NAPA: variants seen among roughly 807,000 people sequenced by gnomAD.
NAPA encodes NSF attachment protein alpha.
NAPA carries 18 observed loss-of-function variants against 48.0 expected under a neutral mutation model. That is an observed-to-expected ratio of 0.38 (90% CI 0.26 to 0.56). The LOEUF is 0.56. Ranked by LOEUF, NAPA falls within the 20% of genes least tolerant of loss-of-function variation. NAPA has a pLI of 0.77. For missense variants in NAPA, 315 were observed against 385.0 expected (o/e 0.82, Z 1.52); for synonymous variants, 152 against 149.9 (o/e 1.01, Z -0.10).
Position 47,493,184 on chromosome 19 carries a change from C to CA in NAPA, c.421-11dup. On this transcript the variant is annotated splice_polypyrimidine_tract_variant and intron_variant, in intron 5 of 10. Coordinates refer to ENST00000263354, the MANE Select transcript of NAPA (RefSeq NM_003827.4). This position sits in a 1 kb window ranked among gnomAD's most constrained non-coding sequence, Gnocchi z 6.4. ...CGTAGTGGGCAATGGCCTGGGGAGA[C>CA]ACGGGGGATGGGTTCCAGGGGAGGG... The CA allele has an allele frequency of 6.3e-7, 1 of 1,580,430 alleles. No individual in the cohort carries two copies. The highest frequency in any genetic ancestry group is 8.6e-7 in the Non-Finnish European group (1 of 1,160,372).
chr19:47,501,003 G>A (rs1968564663), intron 2 of NAPA, among the ~76,000 whole-genome samples: 1 of 152,202 alleles, frequency 6.6e-6, no homozygotes, highest in Non-Finnish European at 1.5e-5. Context: ...GCGGCAGGAA[G>A]CTGCCTCGGG....
intron 8 of NAPA, chr19:47,491,410 C>T (rs972838517): frequency 6.4e-6 from 1 of 155,510 alleles, no homozygotes; most frequent in Non-Finnish European, 1.4e-5. Flanking sequence ...CACCCCAGGC[C>T]GTGAGCCAGG....
In NAPA at chr19:47,506,278, A is replaced by ATG. The variant is rs1968692310; in HGVS notation, c.99-2778_99-2777dup. 1.3e-5 allele frequency among the ~76,000 whole-genome samples: 2 copies of ATG among 152,112 alleles called. No individual in the cohort carries two copies. The highest frequency in any genetic ancestry group is 1.3e-4 in the Admixed American group (2 of 15,268). On this transcript the variant is annotated intron_variant, in intron 1 of 10. Coordinates refer to ENST00000263354, the MANE Select transcript of NAPA (RefSeq NM_003827.4). This position sits in a 1 kb window ranked among gnomAD's most constrained non-coding sequence, Gnocchi z 4.0. The stretch of plus-strand genomic sequence containing the variant: ...CTCCCAAAGTGCTGGGATTACAGGC[A>ATG]TGAGCCACCGTGCCCAGCCTGGAAT...
intron 3 of NAPA, chr19:47,497,042 C>T (rs954170644): frequency 1.0e-4 from 30 of 293,040 alleles, no homozygotes; most frequent in Admixed American, 1.6e-4. Context: ...AACCTAAATC[C>T]GGCAGTTTGA....
At position 47,506,157 on chromosome 19, in the gene NAPA, C is replaced by T. The variant is rs963182719; in HGVS notation, c.99-2655G>A. Among the ~76,000 whole-genome samples the T allele has an allele frequency of 1.3e-5, 2 of 151,996 alleles. No homozygotes were observed. The highest frequency in any genetic ancestry group is 1.9e-4 in the East Asian group (1 of 5,188). On this transcript the variant is annotated intron_variant, in intron 1 of 10. Transcript: ENST00000263354. This position sits in a 1 kb window ranked among gnomAD's most constrained non-coding sequence, Gnocchi z 4.0. ...GGATTACAGATGTGTGCCATCACAC[C>T]CTACTAATTTTTGTATTATTAGTAG...
At chr19:47,504,750 CAT>C (rs1491052858) in intron 1 of NAPA, among the ~76,000 whole-genome samples, 1 of 151,992 alleles carries the variant, frequency 6.6e-6, no homozygotes, top group Non-Finnish European at 1.5e-5. Context: ...CACACACACA[CAT>C]ATTTTTAAGT....
chr19:47,504,679 GTATA>G (rs201922629), intron 1 of NAPA, among the ~76,000 whole-genome samples: 1 of 151,638 alleles, frequency 6.6e-6, no homozygotes, highest in East Asian at 1.9e-4. Context: ...ATACACATGT[GTATA>G]TATGTGTATG....
intron 2 of NAPA, among the ~76,000 whole-genome samples, chr19:47,502,391 T>C (rs571594078): frequency 6.6e-6 from 1 of 152,268 alleles, no homozygotes; most frequent in South Asian, 2.1e-4. Flanking sequence ...AATAAGCTTT[T>C]TTTCTCTAGA....
rs200683362 is a variant in NAPA, at chr19:47,504,629, G to GA, written c.99-1128dup. 9.3e-5 allele frequency among the ~76,000 whole-genome samples: 14 copies of GA among 150,104 alleles called. 1 individual carries two copies. The highest frequency in any genetic ancestry group is 4.0e-4 in the Admixed American group (6 of 15,108). On this transcript the variant is annotated intron_variant, in intron 1 of 10. Transcript: ENST00000263354. Reference sequence around the variant, plus strand: ...TTTAACTGTTTGTACATCTTTTCGAGAAAAAAAATATATACATATATACAC... The same window carrying GA: ...TTTAACTGTTTGTACATCTTTTCGAGAAAAAAAAATATATACATATATACAC...
At chr19:47,492,885 A>G in intron 7 of NAPA, 76 bp downstream of exon 7, 1 of 1,424,454 alleles carries the variant, frequency 7.0e-7, no homozygotes, top group Non-Finnish European at 9.9e-7. Flanking sequence ...TTCCAGAACA[A>G]GGTGCCGGGG....
At chr19:47,494,581 T>C (rs1968366359) in intron 4 of NAPA, among the ~76,000 whole-genome samples, 1 of 150,922 alleles carries the variant, frequency 6.6e-6, no homozygotes, top group South Asian at 2.1e-4. Flanking sequence ...CTACTGAAAA[T>C]ACAAAAATTA....
chr19:47,492,111 G>C lies in NAPA; in HGVS notation c.570C>G (p.Thr190=), dbSNP rs745476294. The change falls in exon 8 of 11, where the codon ACC becomes ACG. Residue 190 remains threonine (T), a synonymous_variant. Coordinates refer to ENST00000263354, the MANE Select transcript of NAPA (RefSeq NM_003827.4). The part of the protein sequence containing the change: ...KAIDIYEQVG[T]NAMDSPLLKY... ...TGAGGAGGGGGCTGTCCATGGCATT[G>C]GTCCCCACCTGTAGCCATGGAGAAG... 2 of 1,613,752 alleles carry C rather than the reference G, an allele frequency of 1.2e-6. No individual in the cohort carries two copies. Among genetic ancestry groups the C allele is most frequent in the Admixed American group, 1.7e-5 (1 of 60,006 alleles).
chr19:47,497,544 T>C (rs1968461289), intron 3 of NAPA: 1 of 152,388 alleles, frequency 6.6e-6, no homozygotes. Context: ...CCAGGCCTTG[T>C]GCACTCGGAC....
intron 2 of NAPA, among the ~76,000 whole-genome samples, chr19:47,502,927 A>G (rs1599911563): frequency 6.6e-6 from 1 of 152,230 alleles, no homozygotes; most frequent in African/African-American, 2.4e-5. Context: ...GACTAAGCCA[A>G]GCCTCAGTTT....
intron 3 of NAPA, chr19:47,496,111 G>C (rs1051954238): frequency 6.2e-6 from 1 of 162,430 alleles, no homozygotes; most frequent in African/African-American, 2.4e-5. Flanking sequence ...ATCCTGAGCA[G>C]CTTCTGCTCC....
At chr19:47,492,397 G>T (rs1968295148) in intron 7 of NAPA, 4 of 470,178 alleles carry the variant, frequency 8.5e-6, no homozygotes, top group Non-Finnish European at 1.6e-5. Context: ...CAGTGGGAAG[G>T]AGGCAGCCTG....
intron 3 of NAPA, among the ~76,000 whole-genome samples, chr19:47,497,957 C>G (rs769440481): frequency 6.6e-6 from 1 of 152,192 alleles, no homozygotes; most frequent in Admixed American, 6.5e-5. Context: ...TGGGAAGAGG[C>G]CTCGCTGGCC....
chr19:47,489,823 AGAT>A, intron 9 of NAPA, 62 bp from the exon 10 acceptor site: 1 of 1,570,112 alleles, frequency 6.4e-7, no homozygotes. Context: ...GGCCTGGATT[AGAT>A]GAAAGGACAC....
intron 1 of NAPA, among the ~76,000 whole-genome samples, chr19:47,504,605 T>C (rs939328451): frequency 6.6e-6 from 1 of 151,848 alleles, no homozygotes; most frequent in Non-Finnish European, 1.5e-5. Flanking sequence ...GAATTTTTTT[T>C]TAACTGTTTG....
Sources: gnomAD v4.1 joint callset for allele counts (sites outside exome capture counted in the v4.1 genomes callset) on GRCh38, gnomAD v4.1.1 for gene constraint, Gnocchi (gnomAD v3.1) non-coding constraint, MANE v1.5 for transcripts, NCBI Gene and HGNC (gene_info 2026-07-23, HGNC 2026-07-21) for gene names.